RAPGEF4: variants seen among roughly 807,000 people sequenced by gnomAD.
RAPGEF4 encodes the protein RAP guanine-nucleotide-exchange factor (GEF) 4.
In RAPGEF4, 66 loss-of-function variants were observed where a neutral mutation model predicts 147.9. The observed-to-expected ratio is 0.45, with a 90% confidence interval of 0.37 to 0.55. The LOEUF (loss-of-function observed/expected upper bound fraction) is 0.55, where lower values mean the gene tolerates loss of function less well. RAPGEF4 is among the 20% of genes least tolerant of loss of function. RAPGEF4 has a pLI of 0.00. For synonymous variants in RAPGEF4, 419 were observed against 442.7 expected, an observed-to-expected ratio of 0.95 and a Z score of 0.67; for missense variants, 1,071 against 1,257.3, an observed-to-expected ratio of 0.85 and a Z score of 2.24.
intron 1 of RAPGEF4, among the ~76,000 whole-genome samples, chr2:172,759,417 G>T (rs1696084728): frequency 6.6e-6 from 1 of 152,162 alleles, no homozygotes; most frequent in East Asian, 1.9e-4. Context: ...GGGCAAGGGG[G>T]AGGATGACAT....
At chr2:172,999,813 C>T (rs575543893) in intron 16 of RAPGEF4, among the ~76,000 whole-genome samples, 2 of 152,282 alleles carry the variant, frequency 1.3e-5, no homozygotes, top group East Asian at 1.9e-4. Flanking sequence ...CCTTCAGTCT[C>T]ATTATACTGA....
intron 4 of RAPGEF4, among the ~76,000 whole-genome samples, chr2:172,906,455 A>C (rs3769266): frequency 0.071 from 10,751 of 152,138 alleles, 482 homozygotes; most frequent in South Asian, 0.13. Context: ...TCCTGTTTTT[A>C]ATGCTTTTCT....
chr2:172,817,171 G>A (rs1257313956), intron 4 of RAPGEF4, among the ~76,000 whole-genome samples: 1 of 152,190 alleles, frequency 6.6e-6, no homozygotes, highest in Non-Finnish European at 1.5e-5. Context: ...ATAGTCAGAT[G>A]TTCGTATGTT....
At chr2:172,782,313 G>A (rs1331431833) in intron 1 of RAPGEF4, among the ~76,000 whole-genome samples, 1 of 152,126 alleles carries the variant, frequency 6.6e-6, no homozygotes, top group Non-Finnish European at 1.5e-5. Flanking sequence ...GGGCTGGGAG[G>A]GATAAAAGGC....
intron 30 of RAPGEF4, among the ~76,000 whole-genome samples, chr2:173,049,169 C>T (rs1275271860): frequency 6.6e-6 from 1 of 152,202 alleles, no homozygotes; most frequent in Non-Finnish European, 1.5e-5. Context: ...AGTATTCCCA[C>T]ATGAATTTGA....
chr2:172,967,552 C>G, intron 10 of RAPGEF4, 108 bp downstream of exon 10: 1 of 1,204,992 alleles, frequency 8.3e-7, no homozygotes, highest in South Asian at 1.7e-5. Flanking sequence ...GGCCATCCCC[C>G]ATGGAACAAA....
chr2:173,018,676 A>G lies in RAPGEF4; in HGVS notation c.2029A>G (p.Met677Val), dbSNP rs370077088. 38 of 1,614,120 alleles carry G rather than the reference A, an allele frequency of 2.4e-5. No homozygotes were observed. The African/African-American group carries it at 4.9e-4, about 21-fold the overall frequency. Reference sequence around the variant, plus strand: ...GATAGTTCTGTTTAAGGTCTATTGCATGGACCACACCTACACAACCATTCG... The same window carrying G: ...GATAGTTCTGTTTAAGGTCTATTGCGTGGACCACACCTACACAACCATTCG... ...SDEVLFKVYC[M>V]DHTYTTIRVP... Residue 677 changes from methionine (M) to valine (V), a missense_variant, in exon 22 of 31, where the codon ATG (methionine) becomes GTG (valine). Coordinates refer to ENST00000397081, the MANE Select transcript of RAPGEF4 (RefSeq NM_007023.4).
intron 11 of RAPGEF4, among the ~76,000 whole-genome samples, chr2:172,984,618 C>T (rs1397680828): frequency 6.6e-6 from 1 of 152,212 alleles, no homozygotes; most frequent in Non-Finnish European, 1.5e-5. Flanking sequence ...TTACTCTCCA[C>T]AGGGCATAGA....
chr2:172,925,438 C>CT (rs976441824), intron 6 of RAPGEF4, among the ~76,000 whole-genome samples: 6 of 152,202 alleles, frequency 3.9e-5, no homozygotes, highest in African/African-American at 1.2e-4. Context: ...TGGGCAGCTA[C>CT]TTGCTGGATT....
intron 4 of RAPGEF4, among the ~76,000 whole-genome samples, chr2:172,873,025 T>C (rs1208114368): frequency 6.6e-6 from 1 of 152,216 alleles, no homozygotes; most frequent in Non-Finnish European, 1.5e-5. Flanking sequence ...TTGATTGTTA[T>C]AACATGCCAC....
chr2:172,902,763 C>A (rs997941889), intron 4 of RAPGEF4, among the ~76,000 whole-genome samples: 2 of 152,122 alleles, frequency 1.3e-5, no homozygotes, highest in African/African-American at 4.8e-5. Flanking sequence ...ACATACCCTG[C>A]AGAGAAAACA....
intron 4 of RAPGEF4, among the ~76,000 whole-genome samples, chr2:172,841,316 T>C (rs1273498069): frequency 6.6e-6 from 1 of 152,194 alleles, no homozygotes; most frequent in East Asian, 1.9e-4. Flanking sequence ...GTAATCGTTA[T>C]ACATTTCAGC....
rs34646146 is a variant in RAPGEF4 at position 173,034,873 on chromosome 2, A to AACACACACACACAC, written c.2700+933_2700+946dup. Among the ~76,000 whole-genome samples, 266 of 140,944 alleles carry AACACACACACACAC rather than the reference A, an allele frequency of 1.9e-3. 2 individuals are homozygous for AACACACACACACAC. Among genetic ancestry groups the AACACACACACACAC allele is most frequent in the African/African-American group, 6.4e-3 (243 of 37,866 alleles). 92.5% of individuals were successfully genotyped at this position (140,944 alleles called of 152,430 possible). A position where few individuals can be genotyped will look rare whatever the true frequency, so the allele number is the denominator to read the frequency against. On this transcript the variant is annotated intron_variant, in intron 27 of 30. Coordinates refer to ENST00000397081, the MANE Select transcript of RAPGEF4 (RefSeq NM_007023.4). ...GGGTGACAGAGTGCGACCCCGTCTC[A>AACACACACACACAC]ACACACACACACACACACACACACA...
At chr2:172,954,326 G>A (rs1688516854) in intron 6 of RAPGEF4, among the ~76,000 whole-genome samples, 1 of 152,162 alleles carries the variant, frequency 6.6e-6, no homozygotes, top group African/African-American at 2.4e-5. Context: ...CTGGGTGGCA[G>A]TTTGCTTTGC....
intron 4 of RAPGEF4, among the ~76,000 whole-genome samples, chr2:172,856,296 C>G (rs766283294): frequency 6.6e-6 from 1 of 152,024 alleles, no homozygotes. Context: ...CTAGAATTTT[C>G]ACTTGTTACT....
At chr2:172,775,268 C>T (rs1684054405) in intron 1 of RAPGEF4, among the ~76,000 whole-genome samples, 1 of 152,202 alleles carries the variant, frequency 6.6e-6, no homozygotes. Context: ...CAGGTAGTCA[C>T]AATTCCTGGC....
At chr2:172,815,650 A>G (rs1688432548) in intron 4 of RAPGEF4, among the ~76,000 whole-genome samples, 2 of 152,312 alleles carry the variant, frequency 1.3e-5, no homozygotes, top group South Asian at 2.1e-4. Context: ...AGTCTTTTTC[A>G]AAAGGGGAGT....
rs751490207 is a variant in RAPGEF4 at position 173,027,147 on chromosome 2, T to C, written c.2446T>C (p.Phe816Leu). 1.2e-6 allele frequency: 2 copies of C among 1,613,734 alleles called. No individual in the cohort carries two copies. Among genetic ancestry groups the C allele is most frequent in the South Asian group, 1.1e-5 (1 of 91,020 alleles). The change falls in exon 25 of 31, where the codon TTC becomes CTC. Residue 816 changes from phenylalanine to leucine, a missense_variant. Phe to Leu is a conservative substitution (Grantham distance 22, BLOSUM62 0). Coordinates refer to ENST00000397081, the MANE Select transcript of RAPGEF4 (RefSeq NM_007023.4). Reference protein sequence around the residue: ...FKKTTANLDLFLRRFNEIQFW... With the variant: ...FKKTTANLDLLLRRFNEIQFW... ...AAAGACCACAGCAAACTTGGATTTGTTCCTGAGGAGATTTAATGAAATTCA... is the reference window on the plus strand; with the variant it reads ...AAAGACCACAGCAAACTTGGATTTGCTCCTGAGGAGATTTAATGAAATTCA...
chr2:172,867,906 T>G (rs1694814652), intron 4 of RAPGEF4, among the ~76,000 whole-genome samples: 1 of 152,234 alleles, frequency 6.6e-6, no homozygotes, highest in Non-Finnish European at 1.5e-5. Context: ...GAAAATAAAT[T>G]TTTATATTAC....
Sources: allele counts gnomAD v4.1 joint callset (sites outside exome capture counted in the v4.1 genomes callset), GRCh38; gene constraint gnomAD v4.1.1; transcripts MANE v1.5; gene names NCBI Gene and HGNC (gene_info 2026-07-23, HGNC 2026-07-21).